Variants in PDE1C observed in about 807,000 individuals in gnomAD.
PDE1C encodes the protein dual specificity calcium/calmodulin-dependent 3',5'-cyclic nucleotide phosphodiesterase 1C.
Under a neutral mutation model 93.1 loss-of-function variants are expected in PDE1C, and 62 were observed. That is an observed-to-expected ratio of 0.67 (90% CI 0.54 to 0.82). PDE1C has a LOEUF of 0.82. PDE1C is among the 40% of genes least tolerant of loss of function. The pLI is 0.00. For synonymous variants in PDE1C, 325 were observed against 310.1 expected (o/e 1.05, Z -0.50); for missense variants, 742 against 884.6 (o/e 0.84, Z 2.04).
intron 3 of PDE1C, among the ~76,000 whole-genome samples, chr7:32,156,477 A>G (rs539687115): frequency 6.6e-6 from 1 of 152,294 alleles, no homozygotes; most frequent in Non-Finnish European, 1.5e-5. Context: ...TCATATTCTA[A>G]GTCGAAGTTC....
intron 2 of PDE1C, among the ~76,000 whole-genome samples, chr7:31,904,229 T>G (rs1325727529): frequency 6.6e-6 from 1 of 152,096 alleles, no homozygotes; most frequent in Non-Finnish European, 1.5e-5. Context: ...CAGCCTGAAT[T>G]GACACAGGAC....
At chr7:32,272,807 C>A (rs755791554) in intron 1 of PDE1C, among the ~76,000 whole-genome samples, 86 of 152,162 alleles carry the variant, frequency 5.7e-4, no homozygotes, top group Admixed American at 1.6e-3. Context: ...CTGAGGCAGC[C>A]ATATTGCCAC....
chr7:32,298,697 T>C (rs1330595789), exon 1 of PDE1C: 4 of 1,607,180 alleles, frequency 2.5e-6, no homozygotes, highest in South Asian at 1.1e-5. Context: ...CGCTCCGGCA[T>C]TTTTTGAAGC....
At chr7:31,885,382 G>T (rs1304507082) in intron 2 of PDE1C, among the ~76,000 whole-genome samples, 2 of 152,200 alleles carry the variant, frequency 1.3e-5, no homozygotes, top group Non-Finnish European at 2.9e-5. Flanking sequence ...TCCAACTTTG[G>T]CAAGATGCCT....
chr7:32,381,332 G>A (rs1272207571), intron 1 of PDE1C, among the ~76,000 whole-genome samples: 3 of 152,000 alleles, frequency 2.0e-5, no homozygotes, highest in Admixed American at 6.6e-5. Context: ...TCACTCTGCA[G>A]CCAGAGAGAC....
intron 1 of PDE1C, among the ~76,000 whole-genome samples, chr7:32,357,159 C>T (rs1006318268): frequency 3.3e-5 from 5 of 152,002 alleles, no homozygotes; most frequent in Admixed American, 2.0e-4. Flanking sequence ...TGTGAAACCC[C>T]GTCTCTAATA....
At chr7:32,344,582 A>C (rs912203276) in intron 1 of PDE1C, among the ~76,000 whole-genome samples, 5 of 152,008 alleles carry the variant, frequency 3.3e-5, no homozygotes, top group Non-Finnish European at 7.4e-5. Context: ...TCTTTCCCCC[A>C]GATATCACTT....
chr7:32,035,352 C>T (rs1353447713), intron 2 of PDE1C, among the ~76,000 whole-genome samples: 1 of 152,178 alleles, frequency 6.6e-6, no homozygotes, highest in Admixed American at 6.5e-5. Flanking sequence ...CCCCTAAATA[C>T]TCTTAGTCTG....
In PDE1C at chr7:32,007,849, A is replaced by T. The variant is rs139260752; in HGVS notation, c.128+43705T>A. On this transcript the variant is annotated intron_variant, in intron 2 of 17. Transcript: ENST00000396191. The stretch of plus-strand genomic sequence containing the variant: ...AGTACGTGGCACAGGGCAGGGATTC[A>T]AAAAGTGTTTGTTGACTGAATGGTC... Among the ~76,000 whole-genome samples the T allele has an allele frequency of 7.4e-3, 1,131 of 152,326 alleles. 13 individuals carry two copies. The highest frequency in any genetic ancestry group is 0.011 in the Non-Finnish European group (730 of 68,020).
At chr7:31,693,811 A>G in the PDE1C span, among the ~76,000 whole-genome samples, 2 of 152,230 alleles carry the variant, frequency 1.3e-5, no homozygotes, top group East Asian at 1.9e-4. Context: ...TACTTTTTAA[A>G]TAAGAAAGAG....
chr7:32,150,577 G>A (rs1268284360), intron 3 of PDE1C, among the ~76,000 whole-genome samples: 1 of 152,138 alleles, frequency 6.6e-6, no homozygotes, highest in African/African-American at 2.4e-5. Context: ...CACAGCTCAG[G>A]GATTAATCCC....
intron 16 of PDE1C, among the ~76,000 whole-genome samples, chr7:31,807,943 A>G (rs79064410): frequency 6.6e-6 from 1 of 151,518 alleles, no homozygotes; most frequent in African/African-American, 2.4e-5. Context: ...AAAAAAAAAA[A>G]TTGCAGGTAT....
chr7:31,967,820 A>G (rs1219508328), intron 2 of PDE1C, among the ~76,000 whole-genome samples: 1 of 152,210 alleles, frequency 6.6e-6, no homozygotes, highest in Non-Finnish European at 1.5e-5. Flanking sequence ...AAATCAATAA[A>G]CGTAATCCAG....
intron 1 of PDE1C, among the ~76,000 whole-genome samples, chr7:32,307,908 C>T (rs983472942): frequency 1.8e-4 from 28 of 152,250 alleles, no homozygotes; most frequent in Middle Eastern, 3.4e-3. Flanking sequence ...GCGCACTGTG[C>T]GTGAGCCGAA....
intron 2 of PDE1C, among the ~76,000 whole-genome samples, chr7:31,897,252 C>G (rs1799428531): frequency 6.6e-6 from 1 of 152,160 alleles, no homozygotes; most frequent in Admixed American, 6.5e-5. Flanking sequence ...GGCATGGATT[C>G]AATGAACTTG....
chr7:31,869,389 G>C (rs776729413), intron 6 of PDE1C, among the ~76,000 whole-genome samples: 5 of 151,892 alleles, frequency 3.3e-5, no homozygotes, highest in Non-Finnish European at 7.4e-5. Flanking sequence ...CTTTTCACCT[G>C]TAAAGACACA....
At chr7:32,347,286 T>C (rs928980714) in intron 1 of PDE1C, among the ~76,000 whole-genome samples, 12 of 152,206 alleles carry the variant, frequency 7.9e-5, no homozygotes, top group African/African-American at 2.7e-4. Context: ...GTGCAACTGA[T>C]ATCTGAGTAG....
chr7:31,653,545 G>T, the PDE1C span: 2 of 152,128 alleles, frequency 1.3e-5, no homozygotes, highest in African/African-American at 4.8e-5. Context: ...AAATTCAACA[G>T]AACTGTTTTA....
intron 11 of PDE1C, among the ~76,000 whole-genome samples, chr7:31,832,859 T>C (rs1199564752): frequency 3.9e-5 from 6 of 152,226 alleles, no homozygotes; most frequent in Admixed American, 3.3e-4. Context: ...AATTCATTTT[T>C]ACTTTCTCAT....
Sources: gnomAD v4.1 joint callset for allele counts (sites outside exome capture counted in the v4.1 genomes callset) on GRCh38, gnomAD v4.1.1 for gene constraint, MANE v1.5 for transcripts, NCBI Gene and HGNC (gene_info 2026-07-23, HGNC 2026-07-21) for gene names.